The following METAP1 variants were observed in gnomAD, a reference collection of about 807,000 sequenced individuals.
METAP1 encodes methionyl aminopeptidase 1, also known as methionine aminopeptidase 1.
METAP1 carries 28 observed loss-of-function variants against 53.8 expected under a neutral mutation model. The ratio of observed to expected loss-of-function variants is 0.52; its 90% CI spans 0.39 to 0.71. The LOEUF (loss-of-function observed/expected upper bound fraction) is 0.71. Among genes scored for constraint, METAP1 ranks in the 30% least tolerant of loss-of-function variants. The probability of loss-of-function intolerance (pLI) is 0.00; values close to 1 mark genes in which losing one functional copy is unlikely to be tolerated. For missense variants in METAP1, 389 were observed against 479.8 expected (o/e 0.81, Z 1.77); for synonymous variants, 181 against 165.7 (o/e 1.09, Z -0.71).
intron 8 of METAP1, among the ~76,000 whole-genome samples, chr4:99,048,014 A>T (rs879438999): frequency 1.3e-5 from 2 of 152,234 alleles, no homozygotes; most frequent in African/African-American, 2.4e-5. Flanking sequence ...GCTGAAACTC[A>T]GGACAATTCG....
chr4:99,029,535 G>T (rs1724838509), intron 2 of METAP1, among the ~76,000 whole-genome samples: 1 of 152,112 alleles, frequency 6.6e-6, no homozygotes, highest in African/African-American at 2.4e-5. Context: ...CATTAGCGTG[G>T]CTGGTTTAAG....
chr4:99,005,280 T>A (rs968985761), intron 1 of METAP1, among the ~76,000 whole-genome samples: 1 of 151,082 alleles, frequency 6.6e-6, no homozygotes, highest in African/African-American at 2.4e-5. Flanking sequence ...CTCAAACAAA[T>A]CAGCAAGAAA....
chr4:99,026,108 G>C, intron 1 of METAP1: 11 of 429,384 alleles, frequency 2.6e-5, no homozygotes, highest in Non-Finnish European at 3.4e-5. Context: ...CATGTTGTCA[G>C]TACTCCCTGA....
At chr4:99,048,937 A>G in intron 9 of METAP1, 61 bp downstream of exon 9, 1 of 1,545,598 alleles carries the variant, frequency 6.5e-7, no homozygotes, top group Admixed American at 1.8e-5. Flanking sequence ...ACTTATTCAT[A>G]CATTTAACAG....
chr4:99,023,257 A>G (rs191674369), intron 1 of METAP1: 34 of 464,926 alleles, frequency 7.3e-5, no homozygotes, highest in Admixed American at 2.2e-4. Flanking sequence ...CTTTTTCACA[A>G]TAGTAAGTAA....
intron 1 of METAP1, among the ~76,000 whole-genome samples, chr4:99,007,857 T>C (rs778319121): frequency 1.1e-4 from 17 of 152,214 alleles, no homozygotes; most frequent in Non-Finnish European, 2.4e-4. Flanking sequence ...CATTCCCTAA[T>C]ACTTTCCCAG....
At chr4:99,020,178 A>G (rs1724008021) in intron 1 of METAP1, among the ~76,000 whole-genome samples, 1 of 152,152 alleles carries the variant, frequency 6.6e-6, no homozygotes, top group South Asian at 2.1e-4. Flanking sequence ...CAGGATTGAC[A>G]TTAATTCAGT....
chr4:99,025,428 A>C (rs573900796), intron 1 of METAP1: 3 of 985,408 alleles, frequency 3.0e-6, no homozygotes, highest in Non-Finnish European at 3.6e-6. Context: ...GACTCTTTTC[A>C]GTGATTCACA....
chr4:99,041,692 G>A (rs1415980881), intron 6 of METAP1, among the ~76,000 whole-genome samples: 5 of 151,840 alleles, frequency 3.3e-5, no homozygotes, highest in Non-Finnish European at 4.4e-5. Context: ...CAGATCACAC[G>A]TGTTCTAGTA....
At chr4:99,019,908 T>G (rs1474266984) in intron 1 of METAP1, among the ~76,000 whole-genome samples, 1 of 152,198 alleles carries the variant, frequency 6.6e-6, no homozygotes, top group African/African-American at 2.4e-5. Flanking sequence ...AGGTCCCTCA[T>G]CTTTCTCTTG....
chr4:99,026,468 A>T, intron 1 of METAP1: 1 of 985,388 alleles, frequency 1.0e-6, no homozygotes, highest in Non-Finnish European at 1.2e-6. Context: ...GCTTCTGAGG[A>T]CGTAGTTATA....
chr4:99,033,267 G>C (rs1005349018), intron 2 of METAP1, among the ~76,000 whole-genome samples: 1 of 145,540 alleles, frequency 6.9e-6, no homozygotes, highest in Non-Finnish European at 1.5e-5. Flanking sequence ...TTTTTTTTTC[G>C]GACACTTCTA....
chr4:99,037,106 A>G (rs937417665), intron 4 of METAP1, among the ~76,000 whole-genome samples: 2 of 151,888 alleles, frequency 1.3e-5, no homozygotes, highest in Admixed American at 6.5e-5. Context: ...AAAGTCATTT[A>G]TATTTTCTTC....
rs556644528 is a variant in METAP1, at chr4:99,008,088, T to C, written c.114+12221T>C. ...AGCAGCACACTAAGTAGCTGAACAA[T>C]GTACTAGGTAAAGACAGGCTTTGAA... On this transcript the variant is annotated intron_variant, in intron 1 of 10. Transcript: ENST00000296411. Among the ~76,000 whole-genome samples the C allele has an allele frequency of 2.4e-4, 37 of 152,288 alleles. No individual in the cohort carries two copies. The South Asian group carries it at 2.9e-3, about 12-fold the overall frequency.
At chr4:99,025,230 C>T (rs1263452441) in intron 1 of METAP1, 5 of 367,370 alleles carry the variant, frequency 1.4e-5, no homozygotes, top group Non-Finnish European at 1.5e-5. Flanking sequence ...GTTAGTTTGG[C>T]CTGTGCCCAG....
intron 9 of METAP1, among the ~76,000 whole-genome samples, chr4:99,057,130 A>G (rs1727204689): frequency 6.6e-6 from 1 of 152,202 alleles, no homozygotes; most frequent in African/African-American, 2.4e-5. Flanking sequence ...CGGCTTCCCA[A>G]AGTGCTGGGA....
At chr4:99,029,283 T>C (rs760923937) in intron 2 of METAP1, among the ~76,000 whole-genome samples, 9 of 152,180 alleles carry the variant, frequency 5.9e-5, no homozygotes, top group Non-Finnish European at 1.3e-4. Flanking sequence ...CAGATTCCTT[T>C]TGGTTTCTTT....
chr4:99,005,724 T>G, intron 1 of METAP1: 1 of 393,492 alleles, frequency 2.5e-6, no homozygotes, highest in Admixed American at 3.2e-5. Flanking sequence ...CATCATGAAA[T>G]ACTCCCCAGC....
intron 1 of METAP1, among the ~76,000 whole-genome samples, chr4:99,009,959 A>G (rs1723388591): frequency 6.6e-6 from 1 of 152,212 alleles, no homozygotes; most frequent in African/African-American, 2.4e-5. Context: ...CCATTGTCAC[A>G]AAGTATTTCC....
Sources: allele counts gnomAD v4.1 joint callset (sites outside exome capture counted in the v4.1 genomes callset), GRCh38; gene constraint gnomAD v4.1.1; transcripts MANE v1.5; gene names NCBI Gene and HGNC (gene_info 2026-07-23, HGNC 2026-07-21).